RNF14: variants seen among roughly 807,000 people sequenced by gnomAD.
RNF14 encodes the protein ring finger protein 14, also known as E3 ubiquitin-protein ligase RNF14.
In RNF14, 26 loss-of-function variants were observed where a neutral mutation model predicts 52.6. That is an observed-to-expected ratio of 0.49 (90% CI 0.36 to 0.69). The LOEUF (loss-of-function observed/expected upper bound fraction) is 0.69. Ranked by LOEUF, RNF14 falls within the 30% of genes least tolerant of loss-of-function variation. The probability of loss-of-function intolerance (pLI) is 0.00; values close to 1 mark genes in which losing one functional copy is unlikely to be tolerated. For synonymous variants in RNF14, 194 were observed against 202.0 expected (o/e 0.96, Z 0.34); for missense variants, 404 against 560.4 (o/e 0.72, Z 2.82).
At position 141,972,178 on chromosome 5, in the gene RNF14, G is replaced by A. The variant is rs987619614; in HGVS notation, c.-7+1301G>A. Among the ~76,000 whole-genome samples, 16 of 151,958 alleles carry A rather than the reference G, an allele frequency of 1.1e-4. 1 individual carries two copies. In the South Asian group the frequency reaches 3.1e-3, roughly 30 times the overall value. On this transcript the variant is annotated intron_variant, in intron 2 of 8. Transcript: ENST00000394520. ...ATTCTCAAGCACTGTTTTCTCACCT[G>A]GGAGCAATTTTGCCTCCAACCCCCA... is the stretch of plus-strand genomic sequence containing the variant.
intron 4 of RNF14, among the ~76,000 whole-genome samples, 153 bp downstream of exon 4, chr5:141,975,108 G>T (rs979769601): frequency 6.6e-6 from 1 of 152,184 alleles, no homozygotes; most frequent in Non-Finnish European, 1.5e-5. Context: ...GAATCCTGAT[G>T]TTAAGAAATT....
the RNF14 span, among the ~76,000 whole-genome samples, chr5:141,952,187 G>T: frequency 1.0e-3 from 157 of 152,300 alleles, 2 homozygotes; most frequent in East Asian, 0.023. Flanking sequence ...GGATGTGAAG[G>T]TTGCAGGCAG....
chr5:141,985,476 T>C (rs188559020), intron 8 of RNF14, among the ~76,000 whole-genome samples: 34 of 152,354 alleles, frequency 2.2e-4, no homozygotes, highest in Non-Finnish European at 4.0e-4. Flanking sequence ...AGTTCAGTCA[T>C]TGTATTTGGT....
chr5:141,951,741 G>C, the RNF14 span: 1 of 666,226 alleles, frequency 1.5e-6, no homozygotes. Context: ...GGTGCCCAGT[G>C]ACAGAGACAG....
the RNF14 span, among the ~76,000 whole-genome samples, chr5:141,950,978 C>T: frequency 6.6e-6 from 1 of 152,190 alleles, no homozygotes; most frequent in Non-Finnish European, 1.5e-5. Context: ...CTCAAGTTTA[C>T]ATAGCTGGTT....
intron 2 of RNF14, among the ~76,000 whole-genome samples, chr5:141,972,719 T>G (rs369096853): frequency 4.6e-5 from 7 of 151,948 alleles, no homozygotes; most frequent in African/African-American, 1.7e-4. Flanking sequence ...ACCTCCCGAG[T>G]AGCTGGGATT....
At chr5:141,973,141 C>T (rs1753935576) in intron 2 of RNF14, among the ~76,000 whole-genome samples, 1 of 152,078 alleles carries the variant, frequency 6.6e-6, no homozygotes, top group Admixed American at 6.5e-5. Flanking sequence ...CCAGATATGG[C>T]TGTCATTTTT....
chr5:141,971,344 C>T (rs1023709520), intron 2 of RNF14, among the ~76,000 whole-genome samples: 5 of 151,418 alleles, frequency 3.3e-5, no homozygotes, highest in African/African-American at 4.9e-5. Context: ...AAGGCTCAAG[C>T]GATCCTCCTG....
rs999704664 is a variant in RNF14 at position 141,989,923 on chromosome 5, T to C, written c.*2133T>C. 6.6e-5 allele frequency: 10 copies of C among 152,136 alleles called. No homozygotes were observed. The highest frequency in any genetic ancestry group is 2.2e-4 in the African/African-American group (9 of 41,430). The allele number at this position is 152,136 out of a possible 1,614,324, so 9.4% of individuals were successfully genotyped here. ...CTGTTATACATTGTTGATGATGTCATAGAAGTAGGAAAGAAGCCTTTATAA... is the reference window on the plus strand; with the variant it reads ...CTGTTATACATTGTTGATGATGTCACAGAAGTAGGAAAGAAGCCTTTATAA... On this transcript the variant is annotated 3_prime_UTR_variant, in exon 9 of 9. Transcript: ENST00000394520.
At chr5:141,955,995 T>G (rs1331498058), upstream of RNF14, 1 of 1,614,092 alleles carries the variant, frequency 6.2e-7, no homozygotes. This position sits in a 1 kb window ranked among gnomAD's most constrained non-coding sequence, Gnocchi z 5.5. Context: ...CCACAATGGT[T>G]GTCAAAAGGA....
intron 4 of RNF14, among the ~76,000 whole-genome samples, chr5:141,976,540 C>T (rs1445976267): frequency 1.3e-5 from 2 of 152,076 alleles, no homozygotes; most frequent in African/African-American, 4.8e-5. Flanking sequence ...CTCTTATATT[C>T]CTTCTTGGTT....
intron 4 of RNF14, among the ~76,000 whole-genome samples, chr5:141,976,160 G>C (rs546660949): frequency 3.9e-5 from 6 of 152,214 alleles, no homozygotes; most frequent in Non-Finnish European, 8.8e-5. Context: ...TAATGTCTGT[G>C]CCAGAGGCAA....
At chr5:141,955,085 CAG>C (rs1596646165), upstream of RNF14, 3 of 1,614,248 alleles carry the variant, frequency 1.9e-6, no homozygotes, top group Non-Finnish European at 2.5e-6. The surrounding 1 kb of genome is among the most constrained non-coding windows in gnomAD (Gnocchi z 5.5). Context: ...GATTCTTTCT[CAG>C]GGGACACTTT....
At chr5:141,973,410 G>T (rs1561546200) in intron 2 of RNF14, among the ~76,000 whole-genome samples, 173 bp from the exon 3 acceptor site, 1 of 151,916 alleles carries the variant, frequency 6.6e-6, no homozygotes, top group African/African-American at 2.4e-5. Flanking sequence ...GCTAATTTTT[G>T]TATTTTTAGC....
chr5:141,977,244 T>C (rs1754351176), intron 4 of RNF14, among the ~76,000 whole-genome samples: 1 of 152,256 alleles, frequency 6.6e-6, no homozygotes, highest in Non-Finnish European at 1.5e-5. Context: ...GCATGGTTGA[T>C]TTATAAGGAT....
At chr5:141,963,529 C>G (rs971140369), upstream of RNF14, among the ~76,000 whole-genome samples, 7 of 152,110 alleles carry the variant, frequency 4.6e-5, no homozygotes, top group Non-Finnish European at 1.0e-4. Context: ...GTTATGTGTT[C>G]AGCATTTCTG....
At chr5:141,950,663 C>T in the RNF14 span, among the ~76,000 whole-genome samples, 1 of 152,152 alleles carries the variant, frequency 6.6e-6, no homozygotes, top group African/African-American at 2.4e-5. Context: ...CCCTGCAGTA[C>T]ACTACCTCTC....
upstream of RNF14, among the ~76,000 whole-genome samples, chr5:141,968,141 C>T (rs151294694): frequency 4.5e-3 from 614 of 136,186 alleles, 6 homozygotes; most frequent in African/African-American, 0.016. Flanking sequence ...TTTTTTGAGA[C>T]GGAGTCTCGC....
intron 6 of RNF14, 49 bp from the exon 7 acceptor site, chr5:141,983,331 T>G: frequency 7.0e-7 from 1 of 1,430,632 alleles, no homozygotes; most frequent in Non-Finnish European, 9.6e-7. Flanking sequence ...TGATTTTTGG[T>G]CAGCATTACA....
Sources: allele counts gnomAD v4.1 joint callset (sites outside exome capture counted in the v4.1 genomes callset), GRCh38; gene constraint gnomAD v4.1.1; non-coding constraint Gnocchi (gnomAD v3.1); transcripts MANE v1.5; gene names NCBI Gene and HGNC (gene_info 2026-07-23, HGNC 2026-07-21).